The following PPARGC1A variants were observed in gnomAD, a reference collection of about 807,000 sequenced individuals.
PPARGC1A encodes the protein peroxisome proliferator-activated receptor gamma coactivator 1-alpha.
A neutral mutation model predicts 88.7 loss-of-function variants in PPARGC1A; 25 were observed. The ratio of observed to expected loss-of-function variants is 0.28; its 90% CI spans 0.21 to 0.39. The LOEUF (loss-of-function observed/expected upper bound fraction) is 0.39. Ranked by LOEUF, PPARGC1A falls within the 10% of genes least tolerant of loss-of-function variation. The pLI is 1.00. For missense variants in PPARGC1A, 880 were observed against 968.7 expected (o/e 0.91, Z 1.22); for synonymous variants, 363 against 355.6 (o/e 1.02, Z -0.24).
chr4:23,936,447 C>G, the PPARGC1A span, among the ~76,000 whole-genome samples: 107 of 152,184 alleles, frequency 7.0e-4, no homozygotes, highest in East Asian at 0.019. Flanking sequence ...AGTCAAGAAG[C>G]CTAATCAGAA....
the PPARGC1A span, among the ~76,000 whole-genome samples, chr4:24,261,699 GTTATT>G: frequency 6.6e-6 from 1 of 152,006 alleles, no homozygotes; most frequent in South Asian, 2.1e-4. Context: ...TATATTTCTG[GTTATT>G]TTATTTCATT....
chr4:24,442,779 G>A, the PPARGC1A span, among the ~76,000 whole-genome samples: 23 of 152,236 alleles, frequency 1.5e-4, no homozygotes, highest in African/African-American at 5.5e-4. Flanking sequence ...CTAAATCTAC[G>A]GCACACAGTG....
chr4:24,421,182 C>A, the PPARGC1A span, among the ~76,000 whole-genome samples: 3 of 152,178 alleles, frequency 2.0e-5, no homozygotes, highest in Admixed American at 2.0e-4. Context: ...GATGAGACAT[C>A]CAGTTGTATT....
the PPARGC1A span, among the ~76,000 whole-genome samples, chr4:24,070,265 T>C: frequency 6.6e-6 from 1 of 152,300 alleles, no homozygotes; most frequent in Non-Finnish European, 1.5e-5. Flanking sequence ...CCTTCTGACA[T>C]ATGAGAGGAA....
chr4:24,214,450 G>C, the PPARGC1A span, among the ~76,000 whole-genome samples: 3 of 152,174 alleles, frequency 2.0e-5, no homozygotes, highest in Admixed American at 6.5e-5. Context: ...TGACAGCATA[G>C]TGTTTTCTAA....
chr4:23,871,091 C>T (rs949576264), intron 2 of PPARGC1A, among the ~76,000 whole-genome samples: 8 of 152,214 alleles, frequency 5.3e-5, no homozygotes, highest in South Asian at 4.2e-4. Context: ...TATGTGGGTC[C>T]CCAGACTTAG....
At chr4:24,412,318 G>A in the PPARGC1A span, among the ~76,000 whole-genome samples, 63 of 151,970 alleles carry the variant, frequency 4.1e-4, no homozygotes, top group African/African-American at 1.4e-3. Context: ...CCTACCCAGA[G>A]GTCAAATTTC....
At chr4:23,965,724 C>T in the PPARGC1A span, among the ~76,000 whole-genome samples, 1 of 152,238 alleles carries the variant, frequency 6.6e-6, no homozygotes, top group East Asian at 1.9e-4. Context: ...TTGCTATGGG[C>T]CCTTCCGAAC....
chr4:24,018,676 C>T, the PPARGC1A span, among the ~76,000 whole-genome samples: 1 of 152,194 alleles, frequency 6.6e-6, no homozygotes, highest in East Asian at 1.9e-4. Context: ...TCTTTCATCT[C>T]TTGCTTATGT....
the PPARGC1A span, among the ~76,000 whole-genome samples, chr4:24,177,662 A>C: frequency 1.6e-5 from 1 of 63,222 alleles, no homozygotes; most frequent in Non-Finnish European, 3.0e-5. Context: ...TAAATAAATA[A>C]ATAAAATTTT....
chr4:24,288,619 T>C, the PPARGC1A span, among the ~76,000 whole-genome samples: 1 of 152,228 alleles, frequency 6.6e-6, no homozygotes, highest in South Asian at 2.1e-4. Flanking sequence ...CATTTCACAC[T>C]AATAAAGTTG....
the PPARGC1A span, among the ~76,000 whole-genome samples, chr4:24,131,720 T>C: frequency 4.7e-4 from 71 of 152,334 alleles, no homozygotes; most frequent in African/African-American, 1.5e-3. Flanking sequence ...TGAGGTATTC[T>C]AAAGGTAACC....
chr4:24,126,896 G>A, the PPARGC1A span, among the ~76,000 whole-genome samples: 1 of 152,080 alleles, frequency 6.6e-6, no homozygotes, highest in African/African-American at 2.4e-5. Flanking sequence ...GAAGCTCAGG[G>A]CATCACGAGG....
the PPARGC1A span, among the ~76,000 whole-genome samples, chr4:24,370,783 C>CTTTTTTTTTTTTTGTTTTT: frequency 1.6e-5 from 1 of 64,460 alleles, no homozygotes. Flanking sequence ...TTTTTTTTTA[C>CTTTTTTTTTTTTTGTTTTT]TTTAAGTTCT....
At chr4:24,021,513 T>C in the PPARGC1A span, among the ~76,000 whole-genome samples, 3 of 151,402 alleles carry the variant, frequency 2.0e-5, no homozygotes, top group African/African-American at 7.3e-5. Context: ...TATTATCTAG[T>C]GGGGTAGGGA....
chr4:24,237,312 T>A, the PPARGC1A span, among the ~76,000 whole-genome samples: 1 of 152,142 alleles, frequency 6.6e-6, no homozygotes, highest in Non-Finnish European at 1.5e-5. Flanking sequence ...GTTCTTGCTT[T>A]ATGCTGCTTG....
chr4:24,156,312 T>C, the PPARGC1A span, among the ~76,000 whole-genome samples: 1 of 152,120 alleles, frequency 6.6e-6, no homozygotes, highest in African/African-American at 2.4e-5. Flanking sequence ...AGTTGAAATT[T>C]TCTTCCTTTT....
At chr4:23,993,257 T>C in the PPARGC1A span, among the ~76,000 whole-genome samples, 1 of 152,174 alleles carries the variant, frequency 6.6e-6, no homozygotes, top group Non-Finnish European at 1.5e-5. Flanking sequence ...GTGTCTTACA[T>C]AGATTATCTC....
the PPARGC1A span, among the ~76,000 whole-genome samples, chr4:24,463,924 T>C: frequency 4.1e-3 from 620 of 152,352 alleles, 6 homozygotes; most frequent in African/African-American, 0.014. Flanking sequence ...AACCTGACAA[T>C]ACTCTCAATC....
Sources: allele counts gnomAD v4.1 joint callset (sites outside exome capture counted in the v4.1 genomes callset), GRCh38; gene constraint gnomAD v4.1.1; transcripts MANE v1.5; gene names NCBI Gene and HGNC (gene_info 2026-07-23, HGNC 2026-07-21).